The following DARS2 variants were observed in gnomAD, a reference collection of about 807,000 sequenced individuals.
DARS2 encodes the protein aspartyl-tRNA synthetase 2, mitochondrial, also known as aspartate--tRNA ligase, mitochondrial.
A neutral mutation model predicts 83.0 loss-of-function variants in DARS2; 63 were observed. That is an observed-to-expected ratio of 0.76 (90% CI 0.62 to 0.94). The LOEUF (loss-of-function observed/expected upper bound fraction) is 0.94, where lower values mean the gene tolerates loss of function less well. Among genes scored for constraint, DARS2 ranks in the 40% least tolerant of loss-of-function variants. The pLI is 0.00. For synonymous variants in DARS2, 250 were observed against 269.3 expected, an observed-to-expected ratio of 0.93 and a Z score of 0.70; for missense variants, 675 against 774.4, an observed-to-expected ratio of 0.87 and a Z score of 1.52.
intron 8 of DARS2, among the ~76,000 whole-genome samples, chr1:173,837,605 AT>A (rs952037160): frequency 1.3e-5 from 2 of 152,180 alleles, no homozygotes; most frequent in African/African-American, 2.4e-5. Context: ...GCTAAAAAAA[AT>A]GTTTTAATAA....
At chr1:173,844,544 C>A (rs1653343667) in intron 11 of DARS2, among the ~76,000 whole-genome samples, 1 of 151,342 alleles carries the variant, frequency 6.6e-6, no homozygotes, top group Non-Finnish European at 1.5e-5. Flanking sequence ...GTGGTGGGCA[C>A]CTGTAATCCC....
intron 12 of DARS2, among the ~76,000 whole-genome samples, chr1:173,845,818 T>C (rs1421935666): frequency 3.3e-5 from 5 of 151,964 alleles, no homozygotes; most frequent in African/African-American, 9.7e-5. Flanking sequence ...GGTCAGGAGT[T>C]TGAGACCAAT....
rs765570266 is a variant in DARS2, at chr1:173,857,695, G to A, written c.1928G>A (p.Arg643Lys). The A allele has an allele frequency of 6.2e-7, 1 of 1,614,134 alleles. No homozygotes were observed. The highest frequency in any genetic ancestry group is 1.1e-5 in the South Asian group (1 of 91,080). ...VSKPTDSKAE[R>K]AH ...AAGCCAACAGACTCCAAAGCAGAAAGAGCTCATTGAATCATGCATACCATG... is the reference window on the plus strand; with the variant it reads ...AAGCCAACAGACTCCAAAGCAGAAAAAGCTCATTGAATCATGCATACCATG... The change falls in exon 17 of 17, where the codon AGA (arginine) becomes AAA (lysine). Residue 643 changes from arginine (R) to lysine (K), a missense_variant. Physicochemically the swap from Arg to Lys is conservative, Grantham distance 26. Coordinates refer to ENST00000649689, the MANE Select transcript of DARS2 (RefSeq NM_018122.5).
intron 10 of DARS2, among the ~76,000 whole-genome samples, chr1:173,840,523 C>T (rs529307791): frequency 3.3e-5 from 5 of 152,188 alleles, no homozygotes; most frequent in Admixed American, 6.5e-5. Flanking sequence ...TGAGCCTCTG[C>T]GCCGAGCCTG....
intron 8 of DARS2, among the ~76,000 whole-genome samples, 181 bp downstream of exon 8, chr1:173,837,227 G>T (rs1013588371): frequency 6.6e-6 from 1 of 151,276 alleles, no homozygotes; most frequent in Admixed American, 6.6e-5. Flanking sequence ...TTATTGGGTG[G>T]CCACTATGTA....
At chr1:173,826,223 C>CAA (rs374688029) in intron 1 of DARS2, among the ~76,000 whole-genome samples, 1 of 124,604 alleles carries the variant, frequency 8.0e-6, no homozygotes. Context: ...GACTCCATCT[C>CAA]AAAAAAAAAA....
At position 173,857,525 on chromosome 1, in the gene DARS2, C is replaced by T. The variant is rs371048800; in HGVS notation, c.1758C>T (p.Asp586=). 337 of 1,613,892 alleles carry T rather than the reference C, an allele frequency of 2.1e-4. No homozygotes were observed. Among genetic ancestry groups the T allele is most frequent in the Non-Finnish European group, 2.7e-4 (314 of 1,179,864 alleles). The change falls in exon 17 of 17, where the codon GAC becomes GAT. Residue 586 remains aspartate, a synonymous_variant. Coordinates refer to ENST00000649689, the MANE Select transcript of DARS2 (RefSeq NM_018122.5). ...TTTGTATTTTACTCACAGGGTTAGA[C>T]AGACTGATATGCCTTGTCACTGGAT... The part of the protein sequence containing the change: ...PPHGGIALGL[D]RLICLVTGSP...
Position 173,852,598 on chromosome 1 carries a change from G to A in DARS2, c.1345-751G>A, listed in dbSNP as rs188624271. On this transcript the variant is annotated intron_variant, in intron 13 of 16. Transcript: ENST00000649689. ...CTCACTGCAACCTCTGCCTCCTCCCGGGTTCAAGCGATTTTCCTGCCTCAG... is the reference window on the plus strand; with the variant it reads ...CTCACTGCAACCTCTGCCTCCTCCCAGGTTCAAGCGATTTTCCTGCCTCAG... Among the ~76,000 whole-genome samples, 301 of 151,738 alleles carry A rather than the reference G, an allele frequency of 2.0e-3. 2 individuals are homozygous for A. The highest frequency in any genetic ancestry group is 6.3e-3 in the African/African-American group (262 of 41,374).
In DARS2 at chr1:173,857,810, CT is replaced by C; in HGVS notation, c.*108del. 1.7e-6 allele frequency: 2 copies of C among 1,210,548 alleles called. No homozygotes were observed. The highest frequency in any genetic ancestry group is 2.4e-6 in the Non-Finnish European group (2 of 833,684). 75.0% of individuals were successfully genotyped at this position (1,210,548 alleles called of 1,614,324 possible). A position where few individuals can be genotyped will look rare whatever the true frequency, so the allele number is the denominator to read the frequency against. On this transcript the variant is annotated 3_prime_UTR_variant, in exon 17 of 17. Transcript: ENST00000649689. The stretch of plus-strand genomic sequence containing the variant: ...TCTGCCACAGGTCTAACAATCAAGT[CT>C]TTAGATGGAAGGAATCCAGGCAACA...
rs768382997 is a variant in DARS2 at position 173,857,553 on chromosome 1, C to CCA, written c.1787_1788dup (p.Ser597GlnfsTer7). On this transcript the variant is annotated frameshift_variant, in exon 17 of 17. Coordinates refer to ENST00000649689, the MANE Select transcript of DARS2 (RefSeq NM_018122.5). LOFTEE classifies it high-confidence loss of function. ...ACTGATATGCCTTGTCACTGGATCT[C>CCA]CAAGCATCAGAGATGTCATAGCCTT... is the stretch of plus-strand genomic sequence containing the variant. 6.2e-7 allele frequency: 1 copy of CCA among 1,614,158 alleles called. No individual in the cohort carries two copies. The highest frequency in any genetic ancestry group is 8.5e-7 in the Non-Finnish European group (1 of 1,180,008).
rs66665709 is a variant in DARS2, at chr1:173,850,605, CT to C, written c.1344+142del. The C allele has an allele frequency of 0.18, 122,810 of 681,102 alleles. No individual in the cohort carries two copies. Among genetic ancestry groups the C allele is most frequent in the South Asian group, 0.22 (10,792 of 48,292 alleles). The allele number at this position is 681,102 out of a possible 1,614,324, so 42.2% of individuals were successfully genotyped here. ...TAAAATGGAGCTGCTCTGCATAAAT[CT>C]TTTTTTTTTTTTTTTAAGAGACGGA... On this transcript the variant is annotated intron_variant, in intron 13 of 16. Coordinates refer to ENST00000649689, the MANE Select transcript of DARS2 (RefSeq NM_018122.5).
chr1:173,837,159 A>C, intron 8 of DARS2, 113 bp downstream of exon 8: 1 of 967,276 alleles, frequency 1.0e-6, no homozygotes, highest in Admixed American at 2.0e-5. Flanking sequence ...AATTTATGAG[A>C]GTTTGGAGAA....
chr1:173,846,263 G>A (rs1653431432), intron 12 of DARS2, among the ~76,000 whole-genome samples: 1 of 152,210 alleles, frequency 6.6e-6, no homozygotes, highest in South Asian at 2.1e-4. Flanking sequence ...CACAGGAGGT[G>A]GAGGTTGCAG....
rs1429822182 is a variant in DARS2, at chr1:173,828,349, G to A, written c.244G>A (p.Val82Ile). Reference protein sequence around the residue: ...IQYRRQNTFLVLRDFDGLVQV... With the variant: ...IQYRRQNTFLILRDFDGLVQV... ...ATTAATCAGGCAAAACACATTCTTG[G>A]TCCTAAGAGATTTCGATGGGCTTGT... The change falls in exon 3 of 17, where the codon GTC becomes ATC. Residue 82 changes from valine to isoleucine, a missense_variant. Coordinates refer to ENST00000649689, the MANE Select transcript of DARS2 (RefSeq NM_018122.5). 1.9e-6 allele frequency: 3 copies of A among 1,608,202 alleles called. No homozygotes were observed. The highest frequency in any genetic ancestry group is 2.5e-6 in the Non-Finnish European group (3 of 1,178,450).
intron 12 of DARS2, among the ~76,000 whole-genome samples, chr1:173,847,047 T>C (rs1653462029): frequency 6.6e-6 from 1 of 152,152 alleles, no homozygotes. Flanking sequence ...TACCTACCTC[T>C]ACTACCACTA....
At position 173,828,314 on chromosome 1, in the gene DARS2, C is replaced by CA; in HGVS notation, c.228-19_228-18insA. On this transcript the variant is annotated intron_variant, in intron 2 of 16. Coordinates refer to ENST00000649689, the MANE Select transcript of DARS2 (RefSeq NM_018122.5). ...GATTTTATCTTAAAATGTTTCTTTT[C>CA]CCCCCCCCCATTAATCAGGCAAAAC... 1.8e-6 allele frequency: 1 copy of CA among 541,792 alleles called. No homozygotes were observed. Among genetic ancestry groups the CA allele is most frequent in the Non-Finnish European group, 3.0e-6 (1 of 330,442 alleles). The allele number at this position is 541,792 out of a possible 1,614,324, so 33.6% of individuals were successfully genotyped here.
chr1:173,850,074 GT>G (rs1653592107), intron 12 of DARS2, among the ~76,000 whole-genome samples: 2 of 151,354 alleles, frequency 1.3e-5, no homozygotes. Context: ...CCAAGCTGGT[GT>G]TGAACTCCTG....
At chr1:173,846,288 G>A (rs974646547) in intron 12 of DARS2, among the ~76,000 whole-genome samples, 2 of 151,982 alleles carry the variant, frequency 1.3e-5, no homozygotes, top group Non-Finnish European at 2.9e-5. Context: ...CTGAGATCAC[G>A]CCACTGCACT....
intron 12 of DARS2, among the ~76,000 whole-genome samples, chr1:173,845,568 A>C (rs1381185319): frequency 6.6e-6 from 1 of 152,178 alleles, no homozygotes; most frequent in Non-Finnish European, 1.5e-5. Flanking sequence ...AGTAGCTAGG[A>C]CTACAGGCTC....
Sources: allele counts gnomAD v4.1 joint callset (sites outside exome capture counted in the v4.1 genomes callset), GRCh38; gene constraint gnomAD v4.1.1; transcripts MANE v1.5; gene names NCBI Gene and HGNC (gene_info 2026-07-23, HGNC 2026-07-21).